Variants in TNR observed in about 807,000 individuals in gnomAD.
TNR encodes tenascin R.
Under a neutral mutation model 150.4 loss-of-function variants are expected in TNR, and 45 were observed. That is an observed-to-expected ratio of 0.30 (90% CI 0.24 to 0.38). The LOEUF is 0.38. Among genes scored for constraint, TNR ranks in the 10% least tolerant of loss-of-function variants. The pLI is 1.00. For missense variants in TNR, 1,544 were observed against 1,759.1 expected (o/e 0.88, Z 2.19); for synonymous variants, 687 against 678.4 (o/e 1.01, Z -0.20).
At chr1:175,724,972 G>A (rs1667440281) in intron 1 of TNR, among the ~76,000 whole-genome samples, 1 of 152,282 alleles carries the variant, frequency 6.6e-6, no homozygotes, top group African/African-American at 2.4e-5. Context: ...TGAGCCCAGG[G>A]TGTGAGAGGG....
At chr1:175,666,273 C>G (rs974148095) in intron 1 of TNR, among the ~76,000 whole-genome samples, 23 of 152,214 alleles carry the variant, frequency 1.5e-4, no homozygotes, top group African/African-American at 5.5e-4. Flanking sequence ...CTTTATCTCT[C>G]TGGCCAATAG....
intron 1 of TNR, among the ~76,000 whole-genome samples, chr1:175,545,872 G>A (rs929135214): frequency 1.7e-4 from 26 of 152,206 alleles, no homozygotes; most frequent in African/African-American, 6.3e-4. Context: ...TGAGCTATAA[G>A]CATGGCCTGG....
At chr1:175,611,006 C>A (rs536185231) in intron 1 of TNR, among the ~76,000 whole-genome samples, 1 of 152,326 alleles carries the variant, frequency 6.6e-6, no homozygotes, top group Non-Finnish European at 1.5e-5. Flanking sequence ...GGAAATCTAA[C>A]CTGTCCGGAT....
chr1:175,621,587 G>A (rs1336361069), intron 1 of TNR, among the ~76,000 whole-genome samples: 1 of 152,090 alleles, frequency 6.6e-6, no homozygotes, highest in African/African-American at 2.4e-5. Flanking sequence ...TATCTCATAG[G>A]GTTGTTGTAT....
intron 18 of TNR, among the ~76,000 whole-genome samples, chr1:175,341,514 G>C (rs1050458863): frequency 6.6e-6 from 1 of 152,160 alleles, no homozygotes; most frequent in Non-Finnish European, 1.5e-5. Flanking sequence ...GGTTTGTTTT[G>C]GGAAGTGGAG....
intron 8 of TNR, among the ~76,000 whole-genome samples, chr1:175,380,072 T>G (rs1469172810): frequency 6.6e-6 from 1 of 152,034 alleles, no homozygotes; most frequent in Non-Finnish European, 1.5e-5. Context: ...GAGGAGAAAA[T>G]CAGAGCCAGC....
chr1:175,633,042 C>T lies in TNR; in HGVS notation c.-164-104673G>A, dbSNP rs767441651. ...TCTCCATACCTTGTATACACTGTCCCCTCTATCTGGAATACCCACCCCCTC... is the reference window on the plus strand; with the variant it reads ...TCTCCATACCTTGTATACACTGTCCTCTCTATCTGGAATACCCACCCCCTC... On this transcript the variant is annotated intron_variant, in intron 1 of 22. Transcript: ENST00000367674. Among the ~76,000 whole-genome samples, 16 of 152,270 alleles carry T rather than the reference C, an allele frequency of 1.1e-4. 1 individual carries two copies. The highest frequency in any genetic ancestry group is 6.2e-4 in the South Asian group (3 of 4,816).
At chr1:175,525,646 T>C (rs1659818549) in intron 2 of TNR, among the ~76,000 whole-genome samples, 1 of 152,214 alleles carries the variant, frequency 6.6e-6, no homozygotes, top group African/African-American at 2.4e-5. Flanking sequence ...GGTGCCCTCC[T>C]TCACCTACCT....
At chr1:175,331,027 T>TTC (rs779306325) in intron 20 of TNR, among the ~76,000 whole-genome samples, 38 of 68,214 alleles carry the variant, frequency 5.6e-4, no homozygotes, top group Admixed American at 9.5e-4. Flanking sequence ...CTTTCTTTCT[T>TTC]TCTTTCTTTC....
intron 1 of TNR, among the ~76,000 whole-genome samples, chr1:175,593,411 C>T (rs149847964): frequency 7.8e-6 from 1 of 127,392 alleles, no homozygotes; most frequent in East Asian, 2.4e-4. Flanking sequence ...CAACCCAAGC[C>T]AACAGTTTGC....
At chr1:175,484,436 C>T (rs1043256007) in intron 2 of TNR, among the ~76,000 whole-genome samples, 1 of 152,026 alleles carries the variant, frequency 6.6e-6, no homozygotes, top group African/African-American at 2.4e-5. Context: ...ATTTCCTTCC[C>T]TTACCTTTCC....
chr1:175,461,583 T>C (rs1656821749), intron 2 of TNR, among the ~76,000 whole-genome samples: 1 of 152,210 alleles, frequency 6.6e-6, no homozygotes, highest in South Asian at 2.1e-4. Flanking sequence ...CTATCTTAAA[T>C]GTTACTTTCA....
intron 1 of TNR, among the ~76,000 whole-genome samples, chr1:175,629,185 A>G (rs1664249154): frequency 6.6e-6 from 1 of 152,164 alleles, no homozygotes; most frequent in Non-Finnish European, 1.5e-5. Flanking sequence ...ATATGGCCAG[A>G]GGTACTGAGG....
At chr1:175,694,638 A>C (rs1322188174) in intron 1 of TNR, among the ~76,000 whole-genome samples, 1 of 152,216 alleles carries the variant, frequency 6.6e-6, no homozygotes, top group Admixed American at 6.5e-5. Flanking sequence ...TACCCCGCCC[A>C]GTACTTGGAA....
intron 1 of TNR, among the ~76,000 whole-genome samples, chr1:175,716,465 A>G (rs541096084): frequency 6.6e-6 from 1 of 152,218 alleles, no homozygotes; most frequent in Admixed American, 6.5e-5. Flanking sequence ...GTTCCTGTGT[A>G]TGCTCAGTCC....
chr1:175,602,040 A>G (rs1041084383), intron 1 of TNR, among the ~76,000 whole-genome samples: 20 of 152,190 alleles, frequency 1.3e-4, no homozygotes, highest in African/African-American at 4.6e-4. Flanking sequence ...GAGACTTAGC[A>G]TGCAGAAGAG....
chr1:175,405,958 A>G (rs533858982), intron 3 of TNR, among the ~76,000 whole-genome samples: 1 of 152,298 alleles, frequency 6.6e-6, no homozygotes, highest in African/African-American at 2.4e-5. Flanking sequence ...AGGTTAATGT[A>G]TTTCAAACTG....
intron 1 of TNR, among the ~76,000 whole-genome samples, chr1:175,625,644 C>T (rs1455762362): frequency 2.0e-5 from 3 of 152,250 alleles, no homozygotes; most frequent in Non-Finnish European, 2.9e-5. Flanking sequence ...GTTTCTGCTG[C>T]TGTTAAAGGG....
At position 175,641,278 on chromosome 1, in the gene TNR, G is replaced by A. The variant is rs556663765; in HGVS notation, c.-165+101948C>T. Among the ~76,000 whole-genome samples the A allele has an allele frequency of 3.3e-5, 5 of 152,210 alleles. No individual in the cohort carries two copies. The South Asian group carries it at 8.3e-4, about 25-fold the overall frequency. On this transcript the variant is annotated intron_variant, in intron 1 of 22. Transcript: ENST00000367674. ...CAAGCTTTTTACCAGCCAATGGTGG[G>A]ACGGAGGGCAGGGTTGGAGAGAAGG...
Sources: gnomAD v4.1 joint callset for allele counts (sites outside exome capture counted in the v4.1 genomes callset) on GRCh38, gnomAD v4.1.1 for gene constraint, MANE v1.5 for transcripts, NCBI Gene and HGNC (gene_info 2026-07-23, HGNC 2026-07-21) for gene names.